ADGRB3: variants seen among roughly 807,000 people sequenced by gnomAD.
ADGRB3 encodes the protein adhesion G protein-coupled receptor B3, also known as brain-specific angiogenesis inhibitor 3.
ADGRB3 carries 37 observed loss-of-function variants against 193.4 expected under a neutral mutation model. The ratio of observed to expected loss-of-function variants is 0.19; its 90% CI spans 0.15 to 0.25. ADGRB3 has a LOEUF of 0.25. ADGRB3 is among the 10% of genes least tolerant of loss of function. ADGRB3 has a pLI of 1.00. For missense variants in ADGRB3, 1,637 were observed against 1,852.9 expected, an observed-to-expected ratio of 0.88 and a Z score of 2.14; for synonymous variants, 690 against 644.2, an observed-to-expected ratio of 1.07 and a Z score of -1.08.
intron 17 of ADGRB3, among the ~76,000 whole-genome samples, chr6:69,126,232 C>CACATACAT (rs780448849): frequency 0.02 from 2,826 of 138,450 alleles, 70 homozygotes; most frequent in Admixed American, 0.071. Context: ...AATAGATACA[C>CACATACAT]ACATACATAC....
At chr6:68,863,656 A>G (rs1215084465) in intron 3 of ADGRB3, among the ~76,000 whole-genome samples, 2 of 152,146 alleles carry the variant, frequency 1.3e-5, no homozygotes, top group African/African-American at 4.8e-5. Context: ...AAAAATATAC[A>G]TATGAACACA....
At chr6:68,800,666 T>G (rs1300158206) in intron 3 of ADGRB3, among the ~76,000 whole-genome samples, 1 of 152,136 alleles carries the variant, frequency 6.6e-6, no homozygotes, top group African/African-American at 2.4e-5. Context: ...GTCAACTATG[T>G]TAGTTGCTGC....
chr6:69,353,140 A>G (rs777518492), intron 26 of ADGRB3, among the ~76,000 whole-genome samples: 16 of 152,116 alleles, frequency 1.1e-4, no homozygotes, highest in Non-Finnish European at 2.2e-4. Flanking sequence ...ATGCTGAGAC[A>G]CTGTAAGAAC....
intron 11 of ADGRB3, among the ~76,000 whole-genome samples, chr6:69,007,687 TCTCTCTCACACACA>T (rs1342395023): frequency 2.4e-5 from 2 of 81,700 alleles, no homozygotes; most frequent in African/African-American, 4.6e-5. Flanking sequence ...TCTCTCTCTC[TCTCTCTCACACACA>T]CACACACACA....
At chr6:68,835,114 A>G (rs1308324838) in intron 3 of ADGRB3, among the ~76,000 whole-genome samples, 3 of 152,186 alleles carry the variant, frequency 2.0e-5, no homozygotes, top group Non-Finnish European at 2.9e-5. Context: ...TTCAGAACAC[A>G]TTAAACTTTG....
intron 3 of ADGRB3, among the ~76,000 whole-genome samples, chr6:68,835,224 TG>T (rs1237985572): frequency 2.0e-5 from 3 of 152,144 alleles, no homozygotes; most frequent in African/African-American, 7.2e-5. Flanking sequence ...TGCATTCTGG[TG>T]GGGAGGCTTT....
intron 3 of ADGRB3, among the ~76,000 whole-genome samples, chr6:68,804,327 T>A (rs1256507842): frequency 6.6e-6 from 1 of 152,246 alleles, no homozygotes; most frequent in Non-Finnish European, 1.5e-5. Context: ...CTCCCAAATG[T>A]CAATCTGCTG....
At chr6:68,904,362 C>T (rs540198470) in intron 3 of ADGRB3, among the ~76,000 whole-genome samples, 1 of 152,178 alleles carries the variant, frequency 6.6e-6, no homozygotes, top group African/African-American at 2.4e-5. Flanking sequence ...CAGTTATAAT[C>T]TTATGGGACC....
At chr6:68,978,629 C>A (rs1768819265) in intron 10 of ADGRB3, among the ~76,000 whole-genome samples, 1 of 151,478 alleles carries the variant, frequency 6.6e-6, no homozygotes. Flanking sequence ...TCTGCATAGG[C>A]TTACTCATTC....
chr6:69,155,624 A>G (rs943913871), intron 17 of ADGRB3, among the ~76,000 whole-genome samples: 11 of 152,196 alleles, frequency 7.2e-5, no homozygotes, highest in African/African-American at 2.7e-4. Flanking sequence ...GCCATTTATT[A>G]CTATCAATCC....
At chr6:68,824,378 A>T (rs1767803425) in intron 3 of ADGRB3, among the ~76,000 whole-genome samples, 1 of 151,080 alleles carries the variant, frequency 6.6e-6, no homozygotes, top group African/African-American at 2.4e-5. Flanking sequence ...TATTACAGTT[A>T]TCTTTACTAA....
intron 3 of ADGRB3, among the ~76,000 whole-genome samples, chr6:68,879,297 A>G (rs1765673378): frequency 6.9e-6 from 1 of 145,580 alleles, no homozygotes; most frequent in African/African-American, 2.6e-5. Context: ...GCTCACTGCA[A>G]GCTCCGCCTC....
chr6:68,898,015 T>G (rs6931990), intron 3 of ADGRB3, among the ~76,000 whole-genome samples: 18,575 of 147,002 alleles, frequency 0.13, 1,494 homozygotes, highest in East Asian at 0.26. Flanking sequence ...TGTATATATA[T>G]AGAGAGAGAG....
intron 28 of ADGRB3, among the ~76,000 whole-genome samples, chr6:69,358,304 A>G (rs1021871474): frequency 6.6e-6 from 1 of 151,862 alleles, no homozygotes; most frequent in Non-Finnish European, 1.5e-5. Context: ...GGAACTAGTT[A>G]TAAGCCATCC....
Position 69,159,671 on chromosome 6 carries a change from A to T in ADGRB3, c.2481-73619A>T, listed in dbSNP as rs563113737. On this transcript the variant is annotated intron_variant, in intron 17 of 31. Transcript: ENST00000370598. ...TTGTTCATGGAGTCCCATTGATTTT[A>T]TCTATATTTGTTTTCTTAATGATCT... 1.4e-3 allele frequency among the ~76,000 whole-genome samples: 214 copies of T among 152,188 alleles called. 1 individual carries two copies. The highest frequency in any genetic ancestry group is 1.8e-3 in the Non-Finnish European group (124 of 67,964).
intron 20 of ADGRB3, among the ~76,000 whole-genome samples, chr6:69,319,092 C>T (rs1768382444): frequency 6.6e-6 from 1 of 150,746 alleles, no homozygotes; most frequent in Admixed American, 6.6e-5. Flanking sequence ...TTAAGTAGCC[C>T]ACTAATTTTC....
chr6:68,889,534 G>T, intron 3 of ADGRB3, among the ~76,000 whole-genome samples: 1 of 140,322 alleles, frequency 7.1e-6, no homozygotes, highest in African/African-American at 2.7e-5. Context: ...ACGGCTTCTC[G>T]CTCTGTCCCC....
intron 3 of ADGRB3, among the ~76,000 whole-genome samples, chr6:68,796,307 T>G (rs755910095): frequency 6.6e-6 from 1 of 152,128 alleles, no homozygotes; most frequent in Admixed American, 6.6e-5. Context: ...TCTGCCTAAA[T>G]GTCATTTTTT....
chr6:68,652,885 T>G (rs1768399579), intron 3 of ADGRB3, among the ~76,000 whole-genome samples: 1 of 152,136 alleles, frequency 6.6e-6, no homozygotes, highest in African/African-American at 2.4e-5. Flanking sequence ...AACAAAAAGC[T>G]TATTAGCATT....
Sources: gnomAD v4.1 joint callset for allele counts (sites outside exome capture counted in the v4.1 genomes callset) on GRCh38, gnomAD v4.1.1 for gene constraint, MANE v1.5 for transcripts, NCBI Gene and HGNC (gene_info 2026-07-23, HGNC 2026-07-21) for gene names.